ATP10D: variants seen among roughly 807,000 people sequenced by gnomAD.
The protein encoded by ATP10D is phospholipid-transporting ATPase VD.
Under a neutral mutation model 144.8 loss-of-function variants are expected in ATP10D, and 89 were observed. The observed-to-expected ratio is 0.61, with a 90% CI of 0.52 to 0.73. ATP10D has a LOEUF of 0.73. Among genes scored for constraint, ATP10D ranks in the 30% least tolerant of loss-of-function variants. The pLI is 0.00. For missense variants in ATP10D, 1,603 were observed against 1,714.8 expected (o/e 0.93, Z 1.15); for synonymous variants, 571 against 615.1 (o/e 0.93, Z 1.06).
intron 1 of ATP10D, among the ~76,000 whole-genome samples, chr4:47,504,290 T>C (rs1362061919): frequency 6.6e-6 from 1 of 152,182 alleles, no homozygotes; most frequent in Non-Finnish European, 1.5e-5. Flanking sequence ...ACCTTTTTTT[T>C]GTAGATAGAG....
intron 2 of ATP10D, among the ~76,000 whole-genome samples, chr4:47,513,470 C>G (rs1716471596): frequency 6.6e-6 from 1 of 152,000 alleles, no homozygotes; most frequent in Non-Finnish European, 1.5e-5. Flanking sequence ...AGAATGAAAG[C>G]CTCAAAAAGA....
rs761225909 is a variant in ATP10D, at chr4:47,591,186, G to T, written c.4086G>T (p.Lys1362Asn). 6.2e-7 allele frequency: 1 copy of T among 1,613,600 alleles called. No individual in the cohort carries two copies. The highest frequency in any genetic ancestry group is 1.3e-5 in the African/African-American group (1 of 75,014). Residue 1362 changes from lysine (K) to asparagine (N), a missense_variant, in exon 23 of 23, where the codon AAG becomes AAT. Physicochemically the swap from Lys to Asn is moderately conservative, Grantham distance 94 (BLOSUM62 0). Transcript: ENST00000273859. ...GAAAGATGAATCAAGTGACATCAAAGTATGCTAACCAATCAGCTGGCAAGT... is the reference window on the plus strand; with the variant it reads ...GAAAGATGAATCAAGTGACATCAAATTATGCTAACCAATCAGCTGGCAAGT... Reference protein sequence around the residue: ...GAGKMNQVTSKYANQSAGKSG... With the variant: ...GAGKMNQVTSNYANQSAGKSG...
rs538799618 is a variant in ATP10D at position 47,581,743 on chromosome 4, A to G, written c.3649-217A>G. Among the ~76,000 whole-genome samples the G allele has an allele frequency of 3.3e-5, 5 of 152,310 alleles. No homozygotes were observed. In the South Asian group the frequency reaches 6.2e-4, roughly 19 times the overall value. ...AGGAGGATCAATTATGATTCAGAAT[A>G]AAGAGGAATTCCAGTTGAAAAAAAC... On this transcript the variant is annotated intron_variant, in intron 20 of 22. Transcript: ENST00000273859.
chr4:47,587,330 G>A, intron 22 of ATP10D, 124 bp downstream of exon 22: 1 of 869,720 alleles, frequency 1.1e-6, no homozygotes, highest in Non-Finnish European at 1.8e-6. Flanking sequence ...GTCAATTTGT[G>A]TCCTAGTTAA....
chr4:47,496,100 T>C (rs1473557441), intron 1 of ATP10D, among the ~76,000 whole-genome samples: 1 of 151,946 alleles, frequency 6.6e-6, no homozygotes, highest in Non-Finnish European at 1.5e-5. Context: ...CAATTAGATA[T>C]AATGCAGTCA....
In ATP10D at chr4:47,558,179, T is replaced by A; in HGVS notation, c.2340T>A (p.Ser780=). 6.2e-7 allele frequency: 1 copy of A among 1,614,220 alleles called. No homozygotes were observed. The highest frequency in any genetic ancestry group is 8.5e-7 in the Non-Finnish European group (1 of 1,180,044). ...TTGACTCAGTAAGAAAAAGAATGTC[T>A]GTTGTGGTCCGACACCCTCTTTCCA... The part of the protein sequence containing the change: ...LPFDSVRKRM[S]VVVRHPLSNQ... Residue 780 remains serine (S), a synonymous_variant, in exon 12 of 23, where the codon TCT becomes TCA. Transcript: ENST00000273859.
In ATP10D at chr4:47,512,557, A is replaced by C. The variant is rs199628718; in HGVS notation, c.17A>C (p.Gln6Pro). Residue 6 changes from glutamine to proline, a missense_variant, in exon 2 of 23, where the codon CAA becomes CCA. Coordinates refer to ENST00000273859, the MANE Select transcript of ATP10D (RefSeq NM_020453.4). ...AGTTTGGATATGACTGAGGCTCTCC[A>C]ATGGGCCAGATATCACTGGCGACGG... MTEALQWARYHWRRLI... is the reference protein window; with the variant it reads MTEALPWARYHWRRLI... 13 of 1,613,684 alleles carry C rather than the reference A, an allele frequency of 8.1e-6. No individual in the cohort carries two copies. The East Asian group carries it at 2.9e-4, about 36-fold the overall frequency.
intron 21 of ATP10D, among the ~76,000 whole-genome samples, chr4:47,584,749 A>T (rs1720699428): frequency 6.6e-6 from 1 of 152,194 alleles, no homozygotes; most frequent in Non-Finnish European, 1.5e-5. Flanking sequence ...AATAGAAGGA[A>T]AGACATTTGA....
intron 1 of ATP10D, among the ~76,000 whole-genome samples, chr4:47,511,032 A>T (rs1487810070): frequency 6.6e-6 from 1 of 152,148 alleles, no homozygotes; most frequent in Non-Finnish European, 1.5e-5. Flanking sequence ...TTATGTTCTT[A>T]TTCTGGGGGA....
intron 1 of ATP10D, among the ~76,000 whole-genome samples, chr4:47,496,175 G>A (rs201210578): frequency 2.3e-5 from 1 of 43,540 alleles, no homozygotes; most frequent in Admixed American, 2.4e-4. Context: ...TTTTTTTTTT[G>A]AGACGGAGTT....
At chr4:47,496,150 CTTTTTCTTTTTTTT>C (rs1188549686) in intron 1 of ATP10D, among the ~76,000 whole-genome samples, 2 of 94,738 alleles carry the variant, frequency 2.1e-5, no homozygotes, top group Admixed American at 2.7e-4. Context: ...AGTGACTTTC[CTTTTTCTTTTTTTT>C]TTTTTTTTTT....
At chr4:47,546,941 C>A in intron 10 of ATP10D, 79 bp downstream of exon 10, 2 of 1,367,292 alleles carry the variant, frequency 1.5e-6, no homozygotes, top group South Asian at 2.4e-5. Context: ...ATGATAGAGT[C>A]AAACTCTGTT....
At chr4:47,545,755 T>C (rs1174585426) in intron 9 of ATP10D, among the ~76,000 whole-genome samples, 1 of 152,228 alleles carries the variant, frequency 6.6e-6, no homozygotes, top group Non-Finnish European at 1.5e-5. Flanking sequence ...CTTTTGGAGA[T>C]TGTATTCTAC....
At chr4:47,550,484 G>T (rs1026923413) in intron 10 of ATP10D, among the ~76,000 whole-genome samples, 2 of 152,196 alleles carry the variant, frequency 1.3e-5, no homozygotes, top group South Asian at 2.1e-4. Context: ...AATGTCATGG[G>T]GTTGGGGGGG....
At chr4:47,528,895 C>T (rs1017747207) in intron 5 of ATP10D, among the ~76,000 whole-genome samples, 4 of 152,070 alleles carry the variant, frequency 2.6e-5, no homozygotes, top group Non-Finnish European at 4.4e-5. Context: ...ATTGGCATTT[C>T]TCTGATGACT....
At position 47,557,873 on chromosome 4, in the gene ATP10D, G is replaced by C; in HGVS notation, c.2034G>C (p.Gln678His). Residue 678 changes from glutamine (Q) to histidine (H), a missense_variant, in exon 12 of 23, where the codon CAG (glutamine) becomes CAC (histidine). By Grantham distance (24) the Gln-to-His change is conservative (BLOSUM62 0). Coordinates refer to ENST00000273859, the MANE Select transcript of ATP10D (RefSeq NM_020453.4). ...CACCTGTGGAGGAAGAGGTCTCCCA[G>C]GTGTGTGAGAGCCCCCAGTGCTCCA... ...PASPVEEEVS[Q>H]VCESPQCSSS... 6.2e-7 allele frequency: 1 copy of C among 1,614,200 alleles called. No individual in the cohort carries two copies. The highest frequency in any genetic ancestry group is 8.5e-7 in the Non-Finnish European group (1 of 1,180,024).
chr4:47,550,750 G>A (rs1718691565), intron 10 of ATP10D, among the ~76,000 whole-genome samples: 1 of 152,208 alleles, frequency 6.6e-6, no homozygotes, highest in Non-Finnish European at 1.5e-5. Context: ...TAGCCATGCA[G>A]GAACAATGGC....
intron 3 of ATP10D, 60 bp from the exon 4 acceptor site, chr4:47,522,952 A>G (rs1210379309): frequency 1.8e-5 from 24 of 1,359,176 alleles, no homozygotes; most frequent in Non-Finnish European, 2.2e-5. Context: ...TTTAAAAAAA[A>G]CATTGTATGT....
chr4:47,525,399 A>G lies in ATP10D; in HGVS notation c.691-158A>G, dbSNP rs1577645783. Among the ~76,000 whole-genome samples, 5 of 152,290 alleles carry G rather than the reference A, an allele frequency of 3.3e-5. No homozygotes were observed. The East Asian group carries it at 9.6e-4, about 29-fold the overall frequency. ...TCTGATCCCAAATATGGATCACATGATTATGCCTCTACTTTCCTTCCTTTG... is the reference window on the plus strand; with the variant it reads ...TCTGATCCCAAATATGGATCACATGGTTATGCCTCTACTTTCCTTCCTTTG... On this transcript the variant is annotated intron_variant, in intron 4 of 22. Transcript: ENST00000273859.
Sources: gnomAD v4.1 joint callset for allele counts (sites outside exome capture counted in the v4.1 genomes callset) on GRCh38, gnomAD v4.1.1 for gene constraint, MANE v1.5 for transcripts, NCBI Gene and HGNC (gene_info 2026-07-23, HGNC 2026-07-21) for gene names.